Variants in ATRNL1 observed in about 807,000 individuals in gnomAD.
ATRNL1 encodes attractin like 1.
In ATRNL1, 95 loss-of-function variants were observed where a neutral mutation model predicts 182.7. The ratio of observed to expected loss-of-function variants is 0.52; its 90% CI spans 0.44 to 0.62. ATRNL1 has a LOEUF of 0.62. Among genes scored for constraint, ATRNL1 ranks in the 20% least tolerant of loss-of-function variants. ATRNL1 has a pLI of 0.00. For missense variants in ATRNL1, 1,471 were observed against 1,679.5 expected, an observed-to-expected ratio of 0.88 and a Z score of 2.17; for synonymous variants, 576 against 568.3, an observed-to-expected ratio of 1.01 and a Z score of -0.19.
At chr10:115,643,666 G>C (rs1168291606) in intron 26 of ATRNL1, among the ~76,000 whole-genome samples, 1 of 152,046 alleles carries the variant, frequency 6.6e-6, no homozygotes, top group Non-Finnish European at 1.5e-5. Context: ...AAGATATATG[G>C]ATGACCAATA....
At chr10:115,805,309 T>G (rs1325053241) in intron 27 of ATRNL1, among the ~76,000 whole-genome samples, 1 of 152,210 alleles carries the variant, frequency 6.6e-6, no homozygotes, top group Non-Finnish European at 1.5e-5. Context: ...GGCTTCAAGA[T>G]GCTGCATTTT....
chr10:115,265,195 T>A lies in ATRNL1; in HGVS notation c.1690T>A (p.Cys564Ser). 3.8e-6 allele frequency: 6 copies of A among 1,597,438 alleles called. No homozygotes were observed. The highest frequency in any genetic ancestry group is 3.4e-6 in the Non-Finnish European group (4 of 1,168,072). ...SADFLAYDIA[C>S]DEWKILPKPN... is the part of the protein sequence containing the mutation. ...TTTTTCTGTTTTCTTTTTTCTAGCT[T>A]GTGATGAATGGAAAATACTACCAAA... The change falls in exon 11 of 29, where the codon TGT becomes AGT. Residue 564 changes from cysteine (C) to serine (S), a missense_variant and splice_region_variant. By Grantham distance (112) the Cys-to-Ser change is moderately radical. Transcript: ENST00000355044.
intron 20 of ATRNL1, among the ~76,000 whole-genome samples, chr10:115,421,692 T>A (rs1444375803): frequency 6.6e-6 from 1 of 152,010 alleles, no homozygotes; most frequent in Non-Finnish European, 1.5e-5. Flanking sequence ...TTAGAAAAAA[T>A]TATTTTAAAA....
intron 20 of ATRNL1, among the ~76,000 whole-genome samples, chr10:115,417,611 C>T (rs1845454864): frequency 6.6e-6 from 1 of 152,144 alleles, no homozygotes; most frequent in African/African-American, 2.4e-5. Flanking sequence ...TGAGGGGACC[C>T]AGCCTCAGAT....
chr10:115,294,241 T>C (rs76654081), intron 15 of ATRNL1, among the ~76,000 whole-genome samples: 2,116 of 152,272 alleles, frequency 0.014, 43 homozygotes, highest in African/African-American at 0.048. Flanking sequence ...CCTAGCTACT[T>C]GGGACACTGA....
At chr10:115,380,109 C>A (rs181144183) in intron 19 of ATRNL1, among the ~76,000 whole-genome samples, 1,851 of 152,270 alleles carry the variant, frequency 0.012, 14 homozygotes, top group Middle Eastern at 0.017. Context: ...GGATTACAGT[C>A]GTGAGCCGCC....
intron 27 of ATRNL1, among the ~76,000 whole-genome samples, chr10:115,821,991 C>G (rs1555090557): frequency 1.3e-5 from 2 of 152,140 alleles, no homozygotes; most frequent in African/African-American, 4.8e-5. Flanking sequence ...TACTCAGCAC[C>G]ACATCACACT....
intron 27 of ATRNL1, among the ~76,000 whole-genome samples, chr10:115,790,023 A>C (rs2134208802): frequency 6.6e-6 from 1 of 152,330 alleles, no homozygotes; most frequent in African/African-American, 2.4e-5. Flanking sequence ...AGTATAAAAC[A>C]GTTTTGTTAG....
chr10:115,441,585 G>T (rs1305565009), intron 21 of ATRNL1, among the ~76,000 whole-genome samples: 13 of 151,580 alleles, frequency 8.6e-5, no homozygotes, highest in African/African-American at 2.9e-4. Flanking sequence ...AAATTTTGAT[G>T]TTCCAAAACT....
chr10:115,544,763 G>A (rs1173860938), intron 25 of ATRNL1, among the ~76,000 whole-genome samples: 1 of 152,156 alleles, frequency 6.6e-6, no homozygotes, highest in Non-Finnish European at 1.5e-5. Context: ...GCTTCACATG[G>A]TCATTTAAGA....
intron 5 of ATRNL1, among the ~76,000 whole-genome samples, chr10:115,137,581 TAA>T (rs1432814719): frequency 6.6e-6 from 1 of 152,140 alleles, no homozygotes; most frequent in Non-Finnish European, 1.5e-5. Context: ...GCAGACAAGA[TAA>T]GAGAGCTTGT....
chr10:115,486,424 T>C (rs2134635864), intron 24 of ATRNL1, among the ~76,000 whole-genome samples: 1 of 152,304 alleles, frequency 6.6e-6, no homozygotes, highest in African/African-American at 2.4e-5. Flanking sequence ...TCCTGACTTT[T>C]TAATGATCAC....
At chr10:115,558,073 A>C (rs1249022418) in intron 26 of ATRNL1, among the ~76,000 whole-genome samples, 5 of 151,664 alleles carry the variant, frequency 3.3e-5, no homozygotes, top group Admixed American at 2.0e-4. Flanking sequence ...AACAAAAAAA[A>C]AAAACCATTT....
At chr10:115,112,364 C>T (rs946974716) in intron 1 of ATRNL1, among the ~76,000 whole-genome samples, 1 of 152,306 alleles carries the variant, frequency 6.6e-6, no homozygotes, top group Non-Finnish European at 1.5e-5. Context: ...AGGCATTACA[C>T]TAGCTGACTG....
intron 27 of ATRNL1, among the ~76,000 whole-genome samples, chr10:115,788,888 C>T (rs373441577): frequency 3.4e-4 from 52 of 152,342 alleles, no homozygotes; most frequent in African/African-American, 1.2e-3. Context: ...ATAACCTGCA[C>T]ATGAACTTGT....
chr10:115,516,009 T>C (rs559186324), intron 24 of ATRNL1, among the ~76,000 whole-genome samples: 2 of 151,856 alleles, frequency 1.3e-5, no homozygotes, highest in Non-Finnish European at 1.5e-5. Context: ...CTCCTGCATC[T>C]ATTCTGTCTC....
chr10:115,103,529 T>C (rs1336231116), intron 1 of ATRNL1, among the ~76,000 whole-genome samples: 3 of 152,170 alleles, frequency 2.0e-5, no homozygotes, highest in African/African-American at 7.2e-5. Flanking sequence ...GTGTATATAT[T>C]TATGGGATAA....
Position 115,636,270 on chromosome 10 carries a change from A to G in ATRNL1, c.3795+86734A>G, listed in dbSNP as rs528381158. On this transcript the variant is annotated intron_variant, in intron 26 of 28. Coordinates refer to ENST00000355044, the MANE Select transcript of ATRNL1 (RefSeq NM_207303.4). ...GTTCCGACACTCTTCTCCCTCACTT[A>G]GAGACGTAGAGGCAGCTGGCAATAG... Among the ~76,000 whole-genome samples, 20 of 151,684 alleles carry G rather than the reference A, an allele frequency of 1.3e-4. No individual in the cohort carries two copies. In the South Asian group the frequency reaches 4.2e-3, roughly 32 times the overall value.
intron 21 of ATRNL1, among the ~76,000 whole-genome samples, chr10:115,436,247 T>C (rs1554964818): frequency 6.6e-6 from 1 of 152,026 alleles, no homozygotes; most frequent in Admixed American, 6.6e-5. Flanking sequence ...TAATTGAAAG[T>C]TTAGTGATTT....
Sources: allele counts gnomAD v4.1 joint callset (sites outside exome capture counted in the v4.1 genomes callset), GRCh38; gene constraint gnomAD v4.1.1; transcripts MANE v1.5; gene names NCBI Gene and HGNC (gene_info 2026-07-23, HGNC 2026-07-21).